Variants in CTSC observed in about 807,000 individuals in gnomAD.
CTSC encodes dipeptidyl peptidase 1.
In CTSC, 37 loss-of-function variants were observed where a neutral mutation model predicts 40.9. That is an observed-to-expected ratio of 0.91 (90% CI 0.70 to 1.19). CTSC has a LOEUF of 1.19. Ranked by LOEUF, CTSC falls within the 50% of genes most tolerant of loss-of-function variation. The probability of loss-of-function intolerance (pLI) is 0.00; values close to 1 mark genes in which losing one functional copy is unlikely to be tolerated. For synonymous variants in CTSC, 232 were observed against 207.4 expected (o/e 1.12, Z -1.02); for missense variants, 594 against 567.3 (o/e 1.05, Z -0.48).
At chr11:88,296,867 T>A (rs1944304335) in intron 5 of CTSC, 1 of 156,608 alleles carries the variant, frequency 6.4e-6, no homozygotes, top group African/African-American at 2.4e-5. Flanking sequence ...TTTTAACTAC[T>A]GCCATTTCTG....
intron 4 of CTSC, 138 bp from the exon 5 acceptor site, chr11:88,300,783 GA>G: frequency 1.5e-6 from 1 of 671,906 alleles, no homozygotes; most frequent in Non-Finnish European, 2.7e-6. Context: ...CCTGTTTTAT[GA>G]GTGATTCAAT....
At chr11:88,319,679 T>C (rs1937953642) in intron 2 of CTSC, among the ~76,000 whole-genome samples, 1 of 152,118 alleles carries the variant, frequency 6.6e-6, no homozygotes, top group Non-Finnish European at 1.5e-5. Context: ...AATAAAGTAT[T>C]TAATCGCTTA....
At chr11:88,294,585 C>A in intron 6 of CTSC, 77 bp from the exon 7 acceptor site, 1 of 1,529,046 alleles carries the variant, frequency 6.5e-7, no homozygotes, top group Non-Finnish European at 9.0e-7. Flanking sequence ...CTTCTTTGCT[C>A]CATTATTCTT....
In CTSC at chr11:88,320,032, CAG is replaced by C. The variant is rs370342990; in HGVS notation, c.319-7480_319-7479del. ...TGAATTGGTATTTTGCCAAATCCAT[CAG>C]AGTGTCACATCTTTCCTCAGAAAGA... On this transcript the variant is annotated intron_variant, in intron 2 of 6. Transcript: ENST00000227266. 3.2e-3 allele frequency among the ~76,000 whole-genome samples: 482 copies of C among 152,282 alleles called. 6 individuals carry two copies. Among genetic ancestry groups the C allele is most frequent in the African/African-American group, 0.011 (457 of 41,564 alleles).
chr11:88,304,747 G>A (rs182511106), intron 4 of CTSC, among the ~76,000 whole-genome samples: 111 of 152,306 alleles, frequency 7.3e-4, no homozygotes, highest in African/African-American at 2.6e-3. Flanking sequence ...ATGGCGATGA[G>A]AGTGACCTCT....
At chr11:88,330,637 C>T (rs1549822) in intron 2 of CTSC, among the ~76,000 whole-genome samples, 1 of 152,162 alleles carries the variant, frequency 6.6e-6, no homozygotes, top group South Asian at 2.1e-4. Context: ...TATGAGTCAC[C>T]GTGCCTGGCT....
Position 88,312,489 on chromosome 11 carries a change from ATCATGCACCCACCCAG to A in CTSC, c.368_383del (p.Thr123MetfsTer26), listed in dbSNP as rs1168638451. On this transcript the variant is annotated frameshift_variant, in exon 3 of 7. Coordinates refer to ENST00000227266, the MANE Select transcript of CTSC (RefSeq NM_001814.6). LOFTEE classifies it high-confidence loss of function. ...AACAAGCCCAGTTCCGGCCCAACAC[ATCATGCACCCACCCAG>A]TCATTGTCTCGTTGCAGTAAGTGGT... 6.2e-7 allele frequency: 1 copy of A among 1,614,162 alleles called. No homozygotes were observed.
chr11:88,319,231 T>A (rs917885928), intron 2 of CTSC, among the ~76,000 whole-genome samples: 1 of 152,216 alleles, frequency 6.6e-6, no homozygotes, highest in Non-Finnish European at 1.5e-5. Flanking sequence ...GCAGTTTTTT[T>A]ATAATTACCC....
At chr11:88,327,962 C>A in intron 2 of CTSC, 1 of 683,374 alleles carries the variant, frequency 1.5e-6, no homozygotes, top group South Asian at 1.6e-5. Context: ...AAACAGCAGA[C>A]AAGCAGGCTC....
At chr11:88,302,747 T>C (rs569890397) in intron 4 of CTSC, among the ~76,000 whole-genome samples, 1 of 152,140 alleles carries the variant, frequency 6.6e-6, no homozygotes, top group East Asian at 1.9e-4. Flanking sequence ...TTGTATAGAT[T>C]ACACAAACAC....
At chr11:88,325,647 T>C (rs2134808415) in intron 2 of CTSC, 1 of 985,074 alleles carries the variant, frequency 1.0e-6, no homozygotes, top group South Asian at 4.7e-5. Flanking sequence ...AGAACTTTTG[T>C]AGCTTATAGT....
At chr11:88,315,749 A>G (rs1937862672) in intron 2 of CTSC, among the ~76,000 whole-genome samples, 1 of 148,010 alleles carries the variant, frequency 6.8e-6, no homozygotes, top group Non-Finnish European at 1.5e-5. Flanking sequence ...ACTTCTTCCT[A>G]CAATTTGTCT....
intron 1 of CTSC, among the ~76,000 whole-genome samples, chr11:88,336,469 G>A (rs555035183): frequency 1.3e-5 from 2 of 151,148 alleles, no homozygotes; most frequent in East Asian, 3.9e-4. Flanking sequence ...AACCCGGGAG[G>A]CGGAGGTTGC....
Position 88,294,145 on chromosome 11 carries a change from G to A in CTSC, c.1253C>T (p.Ser418Phe). 6.2e-7 allele frequency: 1 copy of A among 1,613,846 alleles called. No homozygotes were observed. The change falls in exon 7 of 7, where the codon TCT becomes TTT. Residue 418 changes from serine (S) to phenylalanine (F), a missense_variant. Physicochemically the swap from Ser to Phe is radical, Grantham distance 155. Transcript: ENST00000227266. ...LLVGYGTDSA[S>F]GMDYWIVKNS... ...TTTAACAATCCAGTAATCCATCCCA[G>A]AGGCTGAGTCAGTGCCATAGCCCAC...
chr11:88,323,955 A>C (rs1938106027), intron 2 of CTSC: 1 of 152,214 alleles, frequency 6.6e-6, no homozygotes, highest in African/African-American at 2.4e-5. Flanking sequence ...CGTATAGCCA[A>C]GACAATCCTA....
At chr11:88,328,136 A>T in intron 2 of CTSC, 1 of 1,613,720 alleles carries the variant, frequency 6.2e-7, no homozygotes, top group Non-Finnish European at 8.5e-7. Context: ...AGATGTGGCA[A>T]ATCATATATC....
At chr11:88,327,740 T>C (rs765917124) in intron 2 of CTSC, among the ~76,000 whole-genome samples, 2 of 152,192 alleles carry the variant, frequency 1.3e-5, no homozygotes, top group Admixed American at 6.5e-5. Flanking sequence ...GGGATTCTTT[T>C]CAAGAAAAGA....
Position 88,300,510 on chromosome 11 carries a change from A to T in CTSC, c.757+20T>A, listed in dbSNP as rs769960739. The T allele has an allele frequency of 1.4e-6, 2 of 1,453,086 alleles. No homozygotes were observed. The highest frequency in any genetic ancestry group is 1.9e-6 in the Non-Finnish European group (2 of 1,033,170). The allele number at this position is 1,453,086 out of a possible 1,614,324, so 90.0% of individuals were successfully genotyped here. ...ATAGTTCCAAACAAATTAACAAAAA[A>T]CTTAGGCTTATTTTTTTACCTTGGT... On this transcript the variant is annotated intron_variant, in intron 5 of 6. Transcript: ENST00000227266.
chr11:88,333,951 A>G (rs895301962), intron 2 of CTSC, among the ~76,000 whole-genome samples: 1 of 152,196 alleles, frequency 6.6e-6, no homozygotes, highest in Non-Finnish European at 1.5e-5. Context: ...TTATTATTCT[A>G]AAAAATATTG....
Sources: gnomAD v4.1 joint callset for allele counts (sites outside exome capture counted in the v4.1 genomes callset) on GRCh38, gnomAD v4.1.1 for gene constraint, MANE v1.5 for transcripts, NCBI Gene and HGNC (gene_info 2026-07-23, HGNC 2026-07-21) for gene names.